ANKRD62: variants seen among roughly 807,000 people sequenced by gnomAD.
The protein encoded by ANKRD62 is ankyrin repeat domain 62.
Under a neutral mutation model 98.8 loss-of-function variants are expected in ANKRD62, and 61 were observed. The ratio of observed to expected loss-of-function variants is 0.62; its 90% CI spans 0.50 to 0.76. The LOEUF (loss-of-function observed/expected upper bound fraction) is 0.76, where lower values mean the gene tolerates loss of function less well. Ranked by LOEUF, ANKRD62 falls within the 30% of genes least tolerant of loss-of-function variation. The pLI is 0.00. For missense variants in ANKRD62, 933 were observed against 1,082.9 expected, an observed-to-expected ratio of 0.86 and a Z score of 1.94; for synonymous variants, 341 against 367.9, an observed-to-expected ratio of 0.93 and a Z score of 0.84.
chr18:12,173,054 C>G, the ANKRD62 span, among the ~76,000 whole-genome samples: 1 of 152,350 alleles, frequency 6.6e-6, no homozygotes, highest in Admixed American at 6.5e-5. Context: ...GCTTGTGCTT[C>G]CTGGGTGACC....
chr18:12,150,891 C>T, the ANKRD62 span, among the ~76,000 whole-genome samples: 1 of 151,712 alleles, frequency 6.6e-6, no homozygotes, highest in African/African-American at 2.4e-5. Context: ...GCCAGCATAA[C>T]AGTTGGCTAA....
chr18:12,115,056 G>C, intron 8 of ANKRD62, 32 bp from the exon 9 acceptor site: 1 of 1,372,548 alleles, frequency 7.3e-7, no homozygotes, highest in Non-Finnish European at 9.4e-7. Flanking sequence ...TTTACTATTT[G>C]CCTGATTGGA....
intron 8 of ANKRD62, among the ~76,000 whole-genome samples, chr18:12,114,692 C>A (rs1909622314): frequency 6.6e-6 from 1 of 152,054 alleles, no homozygotes; most frequent in Non-Finnish European, 1.5e-5. Context: ...AAAAGGGATT[C>A]TGTTACACAA....
At chr18:12,113,212 A>G (rs1229709008) in intron 8 of ANKRD62, among the ~76,000 whole-genome samples, 1 of 152,194 alleles carries the variant, frequency 6.6e-6, no homozygotes, top group Non-Finnish European at 1.5e-5. Flanking sequence ...GATACTTTTC[A>G]AAAGAAGACA....
Position 12,127,921 on chromosome 18 carries a change from G to A in ANKRD62, c.2736G>A (p.Met912Ile). ...GTCAAGTATGTATGAAACTTAGCAT[G>A]TCAACAGTTACTCTGTAGCTGGTTA... ...MRSQVCMKLS[M>I]STVTL The change falls in exon 14 of 14, where the codon ATG becomes ATA. Residue 912 changes from methionine (M) to isoleucine (I), a missense_variant. Met to Ile is a conservative substitution (Grantham distance 10). Transcript: ENST00000587848. The A allele has an allele frequency of 2.7e-6, 4 of 1,491,718 alleles. No individual in the cohort carries two copies. The highest frequency in any genetic ancestry group is 3.5e-6 in the Non-Finnish European group (4 of 1,128,486). The allele number at this position is 1,491,718 out of a possible 1,614,324, so 92.4% of individuals were successfully genotyped here.
chr18:12,150,987 G>A, the ANKRD62 span, among the ~76,000 whole-genome samples: 15 of 152,146 alleles, frequency 9.9e-5, no homozygotes, highest in East Asian at 1.9e-4. Context: ...AAAAGGCACC[G>A]TGTGGCAAGG....
chr18:12,164,243 A>G, the ANKRD62 span, among the ~76,000 whole-genome samples: 1 of 151,918 alleles, frequency 6.6e-6, no homozygotes, highest in Non-Finnish European at 1.5e-5. Flanking sequence ...GTATGTGCTT[A>G]GGAATTTATC....
At chr18:12,117,997 A>G (rs971148450) in intron 10 of ANKRD62, among the ~76,000 whole-genome samples, 1 of 152,182 alleles carries the variant, frequency 6.6e-6, no homozygotes, top group African/African-American at 2.4e-5. Flanking sequence ...ACACATATGT[A>G]GCCTCCCTCC....
chr18:12,136,961 G>A, the ANKRD62 span, among the ~76,000 whole-genome samples: 1 of 152,136 alleles, frequency 6.6e-6, no homozygotes, highest in Non-Finnish European at 1.5e-5. Flanking sequence ...GAGATGATGG[G>A]GTTTTCTAGA....
intron 11 of ANKRD62, among the ~76,000 whole-genome samples, chr18:12,123,710 T>C (rs9958424): frequency 0.29 from 43,841 of 152,092 alleles, 7,284 homozygotes; most frequent in Middle Eastern, 0.39. Flanking sequence ...GTAAATCATG[T>C]TTAGGGATAC....
intron 12 of ANKRD62, among the ~76,000 whole-genome samples, chr18:12,124,719 A>AT (rs371230098): frequency 1.3e-5 from 2 of 151,236 alleles, no homozygotes; most frequent in African/African-American, 4.9e-5. Context: ...ATCTTCTTTG[A>AT]GTTTTGAAAG....
Position 12,126,032 on chromosome 18 carries a change from G to T in ANKRD62, c.2211G>T (p.Met737Ile), listed in dbSNP as rs1264980157. 2 of 1,536,266 alleles carry T rather than the reference G, an allele frequency of 1.3e-6. No individual in the cohort carries two copies. Among genetic ancestry groups the T allele is most frequent in the South Asian group, 1.2e-5 (1 of 84,068 alleles). The change falls in exon 13 of 14, where the codon ATG becomes ATT. Residue 737 changes from methionine to isoleucine, a missense_variant. Physicochemically the swap from Met to Ile is conservative, Grantham distance 10. This residue lies in a region of ANKRD62 where 362 missense variants were observed against 434.5 expected (regional missense o/e 0.83). Transcript: ENST00000587848. Reference protein sequence around the residue: ...LKEKTLHIEHMQGVLSRTQRR... With the variant: ...LKEKTLHIEHIQGVLSRTQRR... ...AAAAGACGTTGCATATAGAACACAT[G>T]CAAGGAGTCCTAAGCCGAACACAGC...
chr18:12,150,787 A>T, the ANKRD62 span, among the ~76,000 whole-genome samples: 1 of 152,220 alleles, frequency 6.6e-6, no homozygotes, highest in Non-Finnish European at 1.5e-5. Flanking sequence ...CTGCCTTACA[A>T]GAGATCTTGA....
intron 8 of ANKRD62, among the ~76,000 whole-genome samples, chr18:12,110,023 C>G (rs1909506425): frequency 1.3e-5 from 2 of 151,232 alleles, no homozygotes; most frequent in African/African-American, 4.9e-5. Context: ...ATTTGCTGAC[C>G]TGTGTGCTTA....
chr18:12,132,957 C>G (rs1264325363), downstream of ANKRD62, among the ~76,000 whole-genome samples: 1 of 152,062 alleles, frequency 6.6e-6, no homozygotes, highest in African/African-American at 2.4e-5. Flanking sequence ...CAATTTTTAA[C>G]TCCATAGTTC....
At chr18:12,136,291 T>C in the ANKRD62 span, among the ~76,000 whole-genome samples, 1 of 152,058 alleles carries the variant, frequency 6.6e-6, no homozygotes, top group Admixed American at 6.5e-5. Context: ...CACCATTTAT[T>C]AAATAGGGAA....
intron 4 of ANKRD62, 105 bp downstream of exon 4, chr18:12,096,407 T>C (rs1909183538): frequency 1.5e-6 from 1 of 648,016 alleles, no homozygotes; most frequent in Admixed American, 3.6e-5. Context: ...CTTATTATTA[T>C]TGGGATAGAG....
At chr18:12,137,837 G>A in the ANKRD62 span, among the ~76,000 whole-genome samples, 1,882 of 152,270 alleles carry the variant, frequency 0.012, 28 homozygotes, top group African/African-American at 0.041. Context: ...TTGCAGTGAG[G>A]TGTTTATAGT....
the ANKRD62 span, among the ~76,000 whole-genome samples, chr18:12,145,932 C>T: frequency 6.6e-6 from 1 of 152,156 alleles, no homozygotes; most frequent in Non-Finnish European, 1.5e-5. Context: ...TTTGTAGGAC[C>T]TCCCAAATGG....
Sources: gnomAD v4.1 joint callset for allele counts (sites outside exome capture counted in the v4.1 genomes callset) on GRCh38, gnomAD v4.1.1 for gene constraint, gnomAD v4.1.1 regional missense constraint, MANE v1.5 for transcripts, NCBI Gene and HGNC (gene_info 2026-07-23, HGNC 2026-07-21) for gene names.